MATCAP2: variants seen among roughly 807,000 people sequenced by gnomAD.
MATCAP2 encodes putative tyrosine carboxypeptidase MATCAP2.
chr7:36,373,573 A>G, the MATCAP2 span, among the ~76,000 whole-genome samples: 1 of 152,134 alleles, frequency 6.6e-6, no homozygotes, highest in Non-Finnish European at 1.5e-5. Flanking sequence ...AGAGGTAGGC[A>G]GGGGCCAGGG....
chr7:36,386,985 A>G, the MATCAP2 span, among the ~76,000 whole-genome samples: 1 of 152,228 alleles, frequency 6.6e-6, no homozygotes, highest in Non-Finnish European at 1.5e-5. Context: ...AAAAACTGGA[A>G]ATAAGCTAAA....
the MATCAP2 span, among the ~76,000 whole-genome samples, chr7:36,385,112 G>A: frequency 2.0e-5 from 3 of 152,206 alleles, no homozygotes; most frequent in East Asian, 1.9e-4. Context: ...ACAAAGATAC[G>A]TAGGAATAAA....
the MATCAP2 span, chr7:36,366,962 G>A: frequency 1.5e-6 from 2 of 1,348,178 alleles, no homozygotes; most frequent in Middle Eastern, 2.7e-4. Flanking sequence ...GGCCCGGGGC[G>A]GCGGGCTCCG....
At chr7:36,324,598 G>A in the MATCAP2 span, 1 of 152,096 alleles carries the variant, frequency 6.6e-6, no homozygotes, top group South Asian at 2.1e-4. Context: ...GAAAAAAACT[G>A]ACCTTACTGC....
At chr7:36,331,809 C>G in the MATCAP2 span, among the ~76,000 whole-genome samples, 9 of 152,194 alleles carry the variant, frequency 5.9e-5, no homozygotes, top group East Asian at 1.2e-3. Flanking sequence ...AAATTTTGCT[C>G]TATTAAATTA....
At chr7:36,389,886 G>A in the MATCAP2 span, 103 of 1,472,998 alleles carry the variant, frequency 7.0e-5, no homozygotes, top group Admixed American at 3.7e-4. Context: ...AAGCCGAGAG[G>A]AGAGGACAGC....
At chr7:36,373,875 C>T in the MATCAP2 span, among the ~76,000 whole-genome samples, 1 of 151,964 alleles carries the variant, frequency 6.6e-6, no homozygotes, top group Non-Finnish European at 1.5e-5. Context: ...ACTTCCATCT[C>T]CCAGGTTCAA....
the MATCAP2 span, among the ~76,000 whole-genome samples, chr7:36,379,686 T>C: frequency 6.6e-6 from 1 of 152,178 alleles, no homozygotes; most frequent in East Asian, 1.9e-4. Flanking sequence ...GGTGATTTTG[T>C]CATTGTGGGA....
At chr7:36,329,025 A>G in the MATCAP2 span, among the ~76,000 whole-genome samples, 1 of 152,304 alleles carries the variant, frequency 6.6e-6, no homozygotes, top group Admixed American at 6.5e-5. Flanking sequence ...CTGAGCAACA[A>G]GAGCAAAAAC....
chr7:36,354,703 T>C, the MATCAP2 span, among the ~76,000 whole-genome samples: 2 of 152,212 alleles, frequency 1.3e-5, no homozygotes. Context: ...ATGTATTTCT[T>C]TGATTAAAGT....
At chr7:36,357,934 C>CA in the MATCAP2 span, among the ~76,000 whole-genome samples, 1,033 of 152,212 alleles carry the variant, frequency 6.8e-3, 9 homozygotes, top group Admixed American at 0.01. Flanking sequence ...CGCAGTGGCT[C>CA]ACACCTGTAA....
At chr7:36,336,193 G>A in the MATCAP2 span, 179 of 1,536,344 alleles carry the variant, frequency 1.2e-4, no homozygotes, top group African/African-American at 9.8e-4. Context: ...ACTTCCTAAC[G>A]TGACTCCAGA....
the MATCAP2 span, chr7:36,326,588 G>A: frequency 4.5e-6 from 2 of 447,920 alleles, no homozygotes; most frequent in South Asian, 6.1e-5. Flanking sequence ...AACATTTTAG[G>A]GAAATAGTTT....
chr7:36,335,152 C>G, the MATCAP2 span: 1 of 1,613,928 alleles, frequency 6.2e-7, no homozygotes, highest in South Asian at 1.1e-5. Context: ...CTCGGGAAAG[C>G]AGGTCCTCAG....
chr7:36,370,092 A>G, the MATCAP2 span, among the ~76,000 whole-genome samples: 3 of 152,358 alleles, frequency 2.0e-5, no homozygotes, highest in South Asian at 4.1e-4. Context: ...ATGAATACAA[A>G]GAGTTTATCT....
the MATCAP2 span, chr7:36,390,215 G>A: frequency 1.9e-6 from 2 of 1,056,464 alleles, no homozygotes; most frequent in Admixed American, 2.5e-5. Flanking sequence ...GTGGTTGGTG[G>A]GTTCCTCTGA....
At chr7:36,382,603 C>T in the MATCAP2 span, among the ~76,000 whole-genome samples, 1 of 152,164 alleles carries the variant, frequency 6.6e-6, no homozygotes, top group South Asian at 2.1e-4. Context: ...CACCATTCTC[C>T]TGCCTCAGCC....
chr7:36,355,791 A>G, the MATCAP2 span: 3 of 152,206 alleles, frequency 2.0e-5, no homozygotes, highest in African/African-American at 4.8e-5. Flanking sequence ...AAGCTAATAT[A>G]TTATAAAAAC....
chr7:36,335,167 A>G, the MATCAP2 span: 1 of 1,613,970 alleles, frequency 6.2e-7, no homozygotes, highest in South Asian at 1.1e-5. Flanking sequence ...CCTCAGTGAG[A>G]TGAACTACAA....
Sources: allele counts gnomAD v4.1 joint callset (sites outside exome capture counted in the v4.1 genomes callset), GRCh38; gene constraint gnomAD v4.1.1; transcripts MANE v1.5; gene names NCBI Gene and HGNC (gene_info 2026-07-23, HGNC 2026-07-21).